AGPAT4: variants seen among roughly 807,000 people sequenced by gnomAD.
The protein encoded by AGPAT4 is 1-acylglycerol-3-phosphate O-acyltransferase 4, also known as 1-acyl-sn-glycerol-3-phosphate acyltransferase delta.
AGPAT4 carries 15 observed loss-of-function variants against 48.0 expected under a neutral mutation model. The ratio of observed to expected loss-of-function variants is 0.31; its 90% CI spans 0.21 to 0.48. AGPAT4 has a LOEUF of 0.48. AGPAT4 is among the 20% of genes least tolerant of loss of function. AGPAT4 has a pLI of 0.99. For missense variants in AGPAT4, 314 were observed against 482.5 expected (o/e 0.65, Z 3.27); for synonymous variants, 178 against 198.7 (o/e 0.90, Z 0.88).
intron 2 of AGPAT4, among the ~76,000 whole-genome samples, chr6:161,168,866 T>A (rs140291728): frequency 6.6e-6 from 1 of 152,186 alleles, no homozygotes; most frequent in East Asian, 1.9e-4. Flanking sequence ...ACTTACTAGT[T>A]GTGAGACTTC....
At chr6:161,172,394 G>C (rs562373006) in intron 2 of AGPAT4, among the ~76,000 whole-genome samples, 1 of 152,124 alleles carries the variant, frequency 6.6e-6, no homozygotes, top group South Asian at 2.1e-4. Context: ...CCAGGCCTGG[G>C]GTACACACAG....
rs1782159713 is a variant in AGPAT4 at position 161,232,844 on chromosome 6, C to T, written c.-89-542G>A. 6.6e-6 allele frequency among the ~76,000 whole-genome samples: 1 copy of T among 152,176 alleles called. No homozygotes were observed. The highest frequency in any genetic ancestry group is 1.5e-5 in the Non-Finnish European group (1 of 68,024). ...TGCCCTGGACAAGGACGAGGACATACCCAGAGTGGGTGCCACCCCTCAAGC... is the reference window on the plus strand; with the variant it reads ...TGCCCTGGACAAGGACGAGGACATATCCAGAGTGGGTGCCACCCCTCAAGC... On this transcript the variant is annotated intron_variant, in intron 1 of 8. Coordinates refer to ENST00000320285, the MANE Select transcript of AGPAT4 (RefSeq NM_020133.3). The surrounding 1 kb of genome is among the most constrained non-coding windows in gnomAD (Gnocchi z 6.8).
At chr6:161,194,816 T>C (rs1048905057) in intron 2 of AGPAT4, among the ~76,000 whole-genome samples, 1 of 152,226 alleles carries the variant, frequency 6.6e-6, no homozygotes, top group African/African-American at 2.4e-5. Flanking sequence ...CTTTAAGTTA[T>C]CAGACTTGGT....
At position 161,135,112 on chromosome 6, in the gene AGPAT4, A is replaced by C. The variant is rs1779024116; in HGVS notation, c.*1428T>G. On this transcript the variant is annotated 3_prime_UTR_variant, in exon 9 of 9. Coordinates refer to ENST00000320285, the MANE Select transcript of AGPAT4 (RefSeq NM_020133.3). ...TTGATAAACAATGACTAAATGAGCA[A>C]ATAGCCAAAAACATAACTGCATAGA... 1 of 152,230 alleles carries C rather than the reference A, an allele frequency of 6.6e-6. No homozygotes were observed. The highest frequency in any genetic ancestry group is 2.1e-4 in the South Asian group (1 of 4,838). 9.4% of individuals were successfully genotyped at this position (152,230 alleles called of 1,614,324 possible).
At chr6:161,174,213 T>C (rs371642772) in intron 2 of AGPAT4, among the ~76,000 whole-genome samples, 6 of 152,308 alleles carry the variant, frequency 3.9e-5, no homozygotes, top group South Asian at 2.1e-4. Context: ...AGGGATGGCA[T>C]TGAATCTATA....
At position 161,132,761 on chromosome 6, in the gene AGPAT4, G is replaced by T. The variant is rs1332012935; in HGVS notation, c.*3779C>A. The T allele has an allele frequency of 6.6e-6, 1 of 152,240 alleles. No homozygotes were observed. Among genetic ancestry groups the T allele is most frequent in the Non-Finnish European group, 1.5e-5 (1 of 68,054 alleles). 9.4% of individuals were successfully genotyped at this position (152,240 alleles called of 1,614,324 possible). ...TAAGGCATCGTGAGACACAGGTGTGGTGGAGGCATTATGAGGGGACTACTC... is the reference window on the plus strand; with the variant it reads ...TAAGGCATCGTGAGACACAGGTGTGTTGGAGGCATTATGAGGGGACTACTC... On this transcript the variant is annotated 3_prime_UTR_variant, in exon 9 of 9. Coordinates refer to ENST00000320285, the MANE Select transcript of AGPAT4 (RefSeq NM_020133.3).
intron 3 of AGPAT4, among the ~76,000 whole-genome samples, chr6:161,157,358 G>C (rs1274397626): frequency 1.3e-5 from 2 of 152,208 alleles, no homozygotes; most frequent in African/African-American, 4.8e-5. Flanking sequence ...TGTCGCACAG[G>C]CTGGAGTGCA....
rs3734462 is a variant in AGPAT4 at position 161,136,630 on chromosome 6, G to A, written c.1047C>T (p.Ser349=). 294,497 of 1,612,954 alleles carry A rather than the reference G, an allele frequency of 0.18. 30,593 individuals carry two copies. Among genetic ancestry groups the A allele is most frequent in the Admixed American group, 0.37 (22,454 of 60,022 alleles). ...CACCAATCATCCATCGAACTCCCAC[G>A]GAGGCTGCAGAGACAAGGAGAGCAG... ...ASFILVFFVA[S]VGVRWMIGVT... is the part of the protein sequence containing the mutation. Residue 349 remains serine (S), a synonymous_variant, in exon 9 of 9, where the codon TCC becomes TCT. Transcript: ENST00000320285.
chr6:161,192,044 T>G (rs1360378898), intron 2 of AGPAT4, among the ~76,000 whole-genome samples: 1 of 151,820 alleles, frequency 6.6e-6, no homozygotes, highest in Non-Finnish European at 1.5e-5. Flanking sequence ...CCTTTTTTTT[T>G]TTTTTTGTCT....
At chr6:161,191,310 C>T (rs1780918753) in intron 2 of AGPAT4, among the ~76,000 whole-genome samples, 1 of 152,234 alleles carries the variant, frequency 6.6e-6, no homozygotes, top group Non-Finnish European at 1.5e-5. Context: ...CTCTAACCCA[C>T]TGTGCTGTGC....
At chr6:161,183,825 G>A (rs1450767424) in intron 2 of AGPAT4, among the ~76,000 whole-genome samples, 5 of 151,394 alleles carry the variant, frequency 3.3e-5, no homozygotes, top group South Asian at 2.1e-4. Context: ...TGAGAGAGAG[G>A]GGAGCCAGCC....
Position 161,232,379 on chromosome 6 carries a change from GA to G in AGPAT4, c.-89-78del. 3.2e-6 allele frequency: 2 copies of G among 634,264 alleles called. No individual in the cohort carries two copies. Among genetic ancestry groups the G allele is most frequent in the Non-Finnish European group, 2.7e-6 (1 of 375,492 alleles). 39.3% of individuals were successfully genotyped at this position (634,264 alleles called of 1,614,324 possible). On this transcript the variant is annotated intron_variant, in intron 1 of 8. Transcript: ENST00000320285. This position sits in a 1 kb window ranked among gnomAD's most constrained non-coding sequence, Gnocchi z 6.8. ...AGTCAGAAAAAAAGTGCTCTGAAAA[GA>G]AAAATATACACTTGAGGTTAAACTC...
At chr6:161,163,424 G>C (rs998953426) in intron 3 of AGPAT4, among the ~76,000 whole-genome samples, 2 of 151,952 alleles carry the variant, frequency 1.3e-5, no homozygotes, top group Admixed American at 6.6e-5. Context: ...GGTCATTAAA[G>C]ACAAAAGATG....
chr6:161,238,305 C>G lies in AGPAT4; in HGVS notation c.-89-6003G>C, dbSNP rs1782361370. Among the ~76,000 whole-genome samples the G allele has an allele frequency of 6.6e-6, 1 of 152,198 alleles. No individual in the cohort carries two copies. Among genetic ancestry groups the G allele is most frequent in the African/African-American group, 2.4e-5 (1 of 41,446 alleles). On this transcript the variant is annotated intron_variant, in intron 1 of 8. Transcript: ENST00000320285. The surrounding 1 kb of genome is among the most constrained non-coding windows in gnomAD (Gnocchi z 5.2). ...AGCAAGTATAGTAAAGCATTGGAAA[C>G]ACTTGCCAGGATGCCTGGAACGGGG...
At position 161,243,426 on chromosome 6, in the gene AGPAT4, A is replaced by T. The variant is rs370346091; in HGVS notation, c.-89-11124T>A. 1.1e-4 allele frequency among the ~76,000 whole-genome samples: 16 copies of T among 152,262 alleles called. No homozygotes were observed. The East Asian group carries it at 2.9e-3, about 28-fold the overall frequency. On this transcript the variant is annotated intron_variant, in intron 1 of 8. Transcript: ENST00000320285. The surrounding 1 kb of genome is among the most constrained non-coding windows in gnomAD (Gnocchi z 4.8). ...CCGTCACCAAGGCAACGTGGTCAGG[A>T]CTGGCAGCTCACGTCAGAGCCTCGG... is the stretch of plus-strand genomic sequence containing the variant.
chr6:161,273,297 T>A (rs1252964928), intron 1 of AGPAT4, among the ~76,000 whole-genome samples: 1 of 152,180 alleles, frequency 6.6e-6, no homozygotes, highest in East Asian at 1.9e-4. Flanking sequence ...AATGCCTGTT[T>A]CCTTGACAAC....
In AGPAT4 at chr6:161,219,931, C is replaced by CAGGCAGGT. The variant is rs1781783403; in HGVS notation, c.178+12104_178+12105insACCTGCCT. 2.0e-5 allele frequency among the ~76,000 whole-genome samples: 3 copies of CAGGCAGGT among 149,792 alleles called. No individual in the cohort carries two copies. The highest frequency in any genetic ancestry group is 1.3e-4 in the Admixed American group (2 of 14,914). ...GGCAGGCAGGCGGCAGGCAGGCAGGCAGGCAGGCAGGCAGGCAGACAGACA... is the reference window on the plus strand; with the variant it reads ...GGCAGGCAGGCGGCAGGCAGGCAGGCAGGCAGGTAGGCAGGCAGGCAGGCAGACAGACA... On this transcript the variant is annotated intron_variant, in intron 2 of 8. Coordinates refer to ENST00000320285, the MANE Select transcript of AGPAT4 (RefSeq NM_020133.3). This position sits in a 1 kb window ranked among gnomAD's most constrained non-coding sequence, Gnocchi z 4.9.
chr6:161,242,714 CAG>C lies in AGPAT4; in HGVS notation c.-89-10414_-89-10413del, dbSNP rs1286984708. 4.6e-5 allele frequency among the ~76,000 whole-genome samples: 7 copies of C among 152,084 alleles called. No homozygotes were observed. The stretch of plus-strand genomic sequence containing the variant: ...AAAAATCCAATATGATAAATCCAAA[CAG>C]AAATGAAAAAAATTAATCTTCCAAA... On this transcript the variant is annotated intron_variant, in intron 1 of 8. Coordinates refer to ENST00000320285, the MANE Select transcript of AGPAT4 (RefSeq NM_020133.3). This position sits in a 1 kb window ranked among gnomAD's most constrained non-coding sequence, Gnocchi z 5.0.
chr6:161,213,910 T>G (rs1469191815), intron 2 of AGPAT4, among the ~76,000 whole-genome samples: 1 of 152,132 alleles, frequency 6.6e-6, no homozygotes, highest in African/African-American at 2.4e-5. Context: ...CCAAAAAAAT[T>G]TTTTAAAGTG....
Sources: allele counts gnomAD v4.1 joint callset (sites outside exome capture counted in the v4.1 genomes callset), GRCh38; gene constraint gnomAD v4.1.1; non-coding constraint Gnocchi (gnomAD v3.1); transcripts MANE v1.5; gene names NCBI Gene and HGNC (gene_info 2026-07-23, HGNC 2026-07-21).